KCNU1: variants seen among roughly 807,000 people sequenced by gnomAD.
KCNU1 encodes potassium channel subfamily U member 1.
Under a neutral mutation model 126.8 loss-of-function variants are expected in KCNU1, and 93 were observed. That is an observed-to-expected ratio of 0.73 (90% CI 0.62 to 0.87). The LOEUF (loss-of-function observed/expected upper bound fraction) is 0.87. Among genes scored for constraint, KCNU1 ranks in the 40% least tolerant of loss-of-function variants. The probability of loss-of-function intolerance (pLI) is 0.00; values close to 1 mark genes in which losing one functional copy is unlikely to be tolerated. For synonymous variants in KCNU1, 523 were observed against 494.2 expected, an observed-to-expected ratio of 1.06 and a Z score of -0.77; for missense variants, 1,330 against 1,367.1, an observed-to-expected ratio of 0.97 and a Z score of 0.43.
intron 10 of KCNU1, among the ~76,000 whole-genome samples, chr8:36,821,776 A>G (rs928027744): frequency 6.6e-6 from 1 of 152,138 alleles, no homozygotes; most frequent in Non-Finnish European, 1.5e-5. Flanking sequence ...AGTAGAAACC[A>G]TATTTTGTAT....
chr8:36,787,513 A>C, intron 2 of KCNU1, 88 bp downstream of exon 2: 1 of 1,328,432 alleles, frequency 7.5e-7, no homozygotes, highest in Non-Finnish European at 1.0e-6. Flanking sequence ...TCCCTAGGTA[A>C]ACAACTGACG....
chr8:36,821,936 A>G (rs1391364097), intron 10 of KCNU1, among the ~76,000 whole-genome samples: 1 of 152,148 alleles, frequency 6.6e-6, no homozygotes, highest in Non-Finnish European at 1.5e-5. Context: ...GATGTTTGAC[A>G]GGTTAGCTGT....
intron 19 of KCNU1, among the ~76,000 whole-genome samples, chr8:36,897,699 C>G (rs544136945): frequency 1.3e-5 from 2 of 152,156 alleles, no homozygotes; most frequent in Non-Finnish European, 2.9e-5. Flanking sequence ...CCCTGCACTT[C>G]TACGGCCCAC....
At chr8:36,853,541 CTTTCACATATTTGTGAAT>C (rs1220465711) in intron 18 of KCNU1, among the ~76,000 whole-genome samples, 2 of 152,014 alleles carry the variant, frequency 1.3e-5, no homozygotes, top group East Asian at 3.9e-4. Context: ...GTTGTTTTTA[CTTTCACATATTTGTGAAT>C]TTTCCTAATT....
chr8:36,809,334 C>T (rs1224743517), intron 7 of KCNU1, among the ~76,000 whole-genome samples: 1 of 152,072 alleles, frequency 6.6e-6, no homozygotes, highest in Admixed American at 6.6e-5. Flanking sequence ...GAAAGGAACT[C>T]CTGGACTTTA....
chr8:36,863,252 A>G (rs1805791793), intron 18 of KCNU1, among the ~76,000 whole-genome samples: 1 of 152,144 alleles, frequency 6.6e-6, no homozygotes, highest in Admixed American at 6.6e-5. Flanking sequence ...TCTGTCTGCC[A>G]CTGATCAAAA....
At position 36,935,911 on chromosome 8, in the gene KCNU1, G is replaced by A. The variant is rs765774793; in HGVS notation, c.3441G>A (p.Glu1147=). ...VYDEDPFAYS[E]PL is the part of the protein sequence containing the mutation. The stretch of plus-strand genomic sequence containing the variant: ...ATGAGGATCCCTTTGCATATTCAGA[G>A]CCACTATAGACCTGCCCATATTCTT... Residue 1147 remains glutamate (E), a synonymous_variant, in exon 27 of 27, where the codon GAG becomes GAA. Coordinates refer to ENST00000399881, the MANE Select transcript of KCNU1 (RefSeq NM_001031836.3). The A allele has an allele frequency of 1.3e-6, 2 of 1,591,464 alleles. No individual in the cohort carries two copies. The highest frequency in any genetic ancestry group is 3.5e-5 in the Admixed American group (2 of 57,574).
chr8:36,852,761 T>C (rs1805395738), intron 18 of KCNU1, among the ~76,000 whole-genome samples: 1 of 152,158 alleles, frequency 6.6e-6, no homozygotes, highest in South Asian at 2.1e-4. Context: ...AGACCAGTAG[T>C]ACTAATCTGT....
At chr8:36,803,796 G>C (rs1803397549) in intron 2 of KCNU1, among the ~76,000 whole-genome samples, 2 of 152,128 alleles carry the variant, frequency 1.3e-5, no homozygotes, top group African/African-American at 4.8e-5. Flanking sequence ...GTTAAAATTA[G>C]ATAAGTAAAA....
At chr8:36,905,456 A>G (rs1225933660) in intron 19 of KCNU1, among the ~76,000 whole-genome samples, 1 of 67,082 alleles carries the variant, frequency 1.5e-5, no homozygotes, top group Non-Finnish European at 2.9e-5. Context: ...CATATAATCT[A>G]AGGCAAAAAA....
chr8:36,911,541 G>C lies in KCNU1; in HGVS notation c.2521+422G>C, dbSNP rs140823397. Among the ~76,000 whole-genome samples, 42 of 152,200 alleles carry C rather than the reference G, an allele frequency of 2.8e-4. No individual in the cohort carries two copies. The East Asian group carries it at 7.9e-3, about 29-fold the overall frequency. On this transcript the variant is annotated intron_variant, in intron 22 of 26. Transcript: ENST00000399881. ...ATCAAGGTCAAATTGTTAGTTTTGT[G>C]GTTGAGAGAATGAACCATGATTCTC... is the stretch of plus-strand genomic sequence containing the variant.
intron 24 of KCNU1, among the ~76,000 whole-genome samples, chr8:36,926,776 C>T (rs890987906): frequency 6.6e-6 from 1 of 152,084 alleles, no homozygotes; most frequent in Non-Finnish European, 1.5e-5. Context: ...GAGAGATCTG[C>T]GTCCCACTGC....
At chr8:36,812,338 C>T (rs978922455) in intron 7 of KCNU1, among the ~76,000 whole-genome samples, 2 of 145,974 alleles carry the variant, frequency 1.4e-5, no homozygotes, top group South Asian at 2.2e-4. Flanking sequence ...TGAGATCATA[C>T]CACTGCACTC....
intron 19 of KCNU1, among the ~76,000 whole-genome samples, chr8:36,879,933 A>C (rs1261205723): frequency 6.6e-6 from 1 of 152,212 alleles, no homozygotes; most frequent in Non-Finnish European, 1.5e-5. Context: ...TACTTGCGTA[A>C]AAGCAAGACA....
chr8:36,855,009 GTGTT>G (rs950787781), intron 18 of KCNU1, among the ~76,000 whole-genome samples: 3 of 152,064 alleles, frequency 2.0e-5, no homozygotes, highest in Non-Finnish European at 4.4e-5. Flanking sequence ...AAAGGATTCT[GTGTT>G]TGTGTTGGGG....
intron 23 of KCNU1, among the ~76,000 whole-genome samples, chr8:36,919,617 G>A (rs1274223383): frequency 3.9e-5 from 6 of 152,080 alleles, no homozygotes; most frequent in African/African-American, 1.2e-4. Context: ...CATTGCGTCT[G>A]TATTCAACTA....
intron 2 of KCNU1, among the ~76,000 whole-genome samples, chr8:36,803,412 C>G (rs945499737): frequency 2.6e-5 from 4 of 152,044 alleles, no homozygotes; most frequent in African/African-American, 7.2e-5. Context: ...TATCCAAACA[C>G]CCCCAGGGCT....
At chr8:36,837,381 A>C (rs1804790340) in intron 14 of KCNU1, among the ~76,000 whole-genome samples, 1 of 152,220 alleles carries the variant, frequency 6.6e-6, no homozygotes, top group Non-Finnish European at 1.5e-5. Flanking sequence ...GAAATGATAC[A>C]AATAGTAATT....
intron 19 of KCNU1, among the ~76,000 whole-genome samples, chr8:36,904,527 G>A (rs911263789): frequency 1.3e-4 from 20 of 152,288 alleles, no homozygotes; most frequent in African/African-American, 4.8e-4. Flanking sequence ...CATAAAATAA[G>A]GGTGGGTAGT....
Sources: gnomAD v4.1 joint callset for allele counts (sites outside exome capture counted in the v4.1 genomes callset) on GRCh38, gnomAD v4.1.1 for gene constraint, MANE v1.5 for transcripts, NCBI Gene and HGNC (gene_info 2026-07-23, HGNC 2026-07-21) for gene names.